MICU3: variants seen among roughly 807,000 people sequenced by gnomAD.
The protein encoded by MICU3 is calcium uptake protein 3, mitochondrial.
MICU3 carries 62 observed loss-of-function variants against 66.5 expected under a neutral mutation model. That is an observed-to-expected ratio of 0.93 (90% CI 0.76 to 1.15). The LOEUF is 1.15. Among genes scored for constraint, MICU3 ranks in the 50% most tolerant of loss-of-function variants. The pLI, the probability that MICU3 is intolerant of heterozygous loss-of-function variation, is 0.00. For synonymous variants in MICU3, 308 were observed against 240.7 expected (o/e 1.28, Z -2.59); for missense variants, 779 against 664.4 (o/e 1.17, Z -1.90).
chr8:17,033,882 G>A (rs940059860), intron 1 of MICU3, among the ~76,000 whole-genome samples: 1 of 152,188 alleles, frequency 6.6e-6, no homozygotes, highest in Non-Finnish European at 1.5e-5. Context: ...ATGATGATGT[G>A]CAGGGGGTAG....
At chr8:17,094,760 A>G (rs1057085112) in intron 8 of MICU3, among the ~76,000 whole-genome samples, 1 of 152,036 alleles carries the variant, frequency 6.6e-6, no homozygotes, top group Non-Finnish European at 1.5e-5. Flanking sequence ...AGCTTGCAAC[A>G]CAAACCATCA....
At chr8:17,063,336 A>C (rs762721888) in intron 1 of MICU3, among the ~76,000 whole-genome samples, 13 of 152,160 alleles carry the variant, frequency 8.5e-5, no homozygotes, top group Admixed American at 2.0e-4. Context: ...TTTTTGCCAA[A>C]AAGAAAACAA....
chr8:17,068,756 C>CT (rs1255487574), intron 2 of MICU3, among the ~76,000 whole-genome samples: 2 of 152,026 alleles, frequency 1.3e-5, no homozygotes, highest in African/African-American at 4.8e-5. Context: ...GCAAAAATTG[C>CT]TTTTTTTGTA....
chr8:17,033,551 C>G (rs1364987689), intron 1 of MICU3, among the ~76,000 whole-genome samples: 1 of 152,154 alleles, frequency 6.6e-6, no homozygotes, highest in African/African-American at 2.4e-5. Flanking sequence ...ATTCTTCTGC[C>G]TCAGCCTCCC....
chr8:17,109,299 T>C (rs1336925704), intron 11 of MICU3, among the ~76,000 whole-genome samples: 8 of 152,150 alleles, frequency 5.3e-5, no homozygotes, highest in Non-Finnish European at 2.9e-5. Flanking sequence ...TTTTAAAATG[T>C]AGAACTTGAA....
chr8:17,090,585 G>A lies in MICU3; in HGVS notation c.888+1G>A. 6.2e-7 allele frequency: 1 copy of A among 1,606,118 alleles called. No homozygotes were observed. Among genetic ancestry groups the A allele is most frequent in the African/African-American group, 1.3e-5 (1 of 74,614 alleles). ...TGGATACCATTCTCCTACTAATAGT[G>A]TATGTACAATACTTTAAATGTTCTT... On this transcript the variant is annotated splice_donor_variant, in intron 8 of 14. Transcript: ENST00000318063. LOFTEE classifies it high-confidence loss of function.
intron 7 of MICU3, among the ~76,000 whole-genome samples, chr8:17,089,811 T>G (rs1165971114): frequency 2.6e-5 from 4 of 152,102 alleles, no homozygotes; most frequent in Non-Finnish European, 4.4e-5. Flanking sequence ...TCAAAAAGGT[T>G]AGCTAGTAGT....
chr8:17,083,046 A>T (rs1821429546), intron 5 of MICU3, among the ~76,000 whole-genome samples: 1 of 152,138 alleles, frequency 6.6e-6, no homozygotes, highest in African/African-American at 2.4e-5. Flanking sequence ...TTTTACTCAA[A>T]TGAATTTCCC....
At chr8:17,063,686 A>G (rs1056338419) in intron 1 of MICU3, among the ~76,000 whole-genome samples, 2 of 152,152 alleles carry the variant, frequency 1.3e-5, no homozygotes, top group South Asian at 2.1e-4. Flanking sequence ...GATGTTAGTG[A>G]ATAGACTTGT....
intron 9 of MICU3, among the ~76,000 whole-genome samples, chr8:17,100,711 G>C (rs1004735485): frequency 1.3e-5 from 2 of 151,648 alleles, no homozygotes; most frequent in African/African-American, 4.8e-5. Context: ...TCTAACCATA[G>C]ATTTTTAAAA....
intron 1 of MICU3, among the ~76,000 whole-genome samples, chr8:17,039,060 T>G (rs906994496): frequency 1.4e-4 from 22 of 152,104 alleles, no homozygotes; most frequent in African/African-American, 5.1e-4. Context: ...GCCATCAACA[T>G]CAAGGCAAGA....
downstream of MICU3, among the ~76,000 whole-genome samples, chr8:17,126,917 T>C (rs1803418673): frequency 6.6e-6 from 1 of 152,310 alleles, no homozygotes; most frequent in South Asian, 2.1e-4. Flanking sequence ...CTACACTCTC[T>C]GACACAGTAT....
chr8:17,064,272 A>ATAATTT, intron 2 of MICU3, 35 bp downstream of exon 2: 1 of 1,549,518 alleles, frequency 6.5e-7, no homozygotes, highest in Non-Finnish European at 8.8e-7. Flanking sequence ...TAATAATTGT[A>ATAATTT]TAATTTTTTT....
chr8:17,054,685 A>T (rs1040693656), intron 1 of MICU3, among the ~76,000 whole-genome samples: 1 of 150,482 alleles, frequency 6.6e-6, no homozygotes, highest in Admixed American at 6.6e-5. Context: ...ATCTCTCAAC[A>T]TTCAAGGACT....
chr8:17,089,539 G>GCAATTAAAATTTAACT (rs1395756781), intron 7 of MICU3, among the ~76,000 whole-genome samples: 3 of 151,970 alleles, frequency 2.0e-5, no homozygotes, highest in Non-Finnish European at 1.5e-5. Context: ...GAGTTCTGAG[G>GCAATTAAAATTTAACT]CAATTAAAAT....
At chr8:17,110,239 CT>C (rs780639530) in intron 11 of MICU3, among the ~76,000 whole-genome samples, 5 of 152,106 alleles carry the variant, frequency 3.3e-5, no homozygotes, top group African/African-American at 4.8e-5. Context: ...TCTTCCTAGC[CT>C]TTTGTTGTTT....
At chr8:17,046,010 A>G in intron 1 of MICU3, among the ~76,000 whole-genome samples, 1 of 152,204 alleles carries the variant, frequency 6.6e-6, no homozygotes, top group Non-Finnish European at 1.5e-5. Flanking sequence ...AACCCATAGC[A>G]TCTCTTCATC....
chr8:17,057,328 A>T (rs1817096171), intron 1 of MICU3, among the ~76,000 whole-genome samples: 1 of 152,138 alleles, frequency 6.6e-6, no homozygotes, highest in Admixed American at 6.5e-5. Flanking sequence ...AAGGATAGGG[A>T]GCAAATCAGG....
intron 2 of MICU3, among the ~76,000 whole-genome samples, chr8:17,069,349 T>C (rs754678282): frequency 2.0e-5 from 3 of 152,140 alleles, no homozygotes; most frequent in Non-Finnish European, 4.4e-5. Flanking sequence ...GAATATTTTA[T>C]AAGTATCATT....
Sources: allele counts gnomAD v4.1 joint callset (sites outside exome capture counted in the v4.1 genomes callset), GRCh38; gene constraint gnomAD v4.1.1; transcripts MANE v1.5; gene names NCBI Gene and HGNC (gene_info 2026-07-23, HGNC 2026-07-21).